The following LMBR1 variants were observed in gnomAD, a reference collection of about 807,000 sequenced individuals.
LMBR1 encodes the protein limb development membrane protein 1.
LMBR1 carries 52 observed loss-of-function variants against 73.9 expected under a neutral mutation model. The observed-to-expected ratio is 0.70, with a 90% CI of 0.56 to 0.89. LMBR1 has a LOEUF of 0.89. LMBR1 is among the 40% of genes least tolerant of loss of function. LMBR1 has a pLI of 0.00. For missense variants in LMBR1, 539 were observed against 579.8 expected (o/e 0.93, Z 0.72); for synonymous variants, 215 against 209.4 (o/e 1.03, Z -0.23).
rs112587639 is a variant in LMBR1 at position 156,685,201 on chromosome 7, A to G, written c.1388-1038T>C. Among the ~76,000 whole-genome samples, 920 of 152,358 alleles carry G rather than the reference A, an allele frequency of 6.0e-3. 20 individuals are homozygous for G. The South Asian group carries it at 0.08, about 13-fold the overall frequency. ...CATTTATTTCTCTCTGTATCATAAAACAATTATTTACATAATATACCTGAT... is the reference window on the plus strand; with the variant it reads ...CATTTATTTCTCTCTGTATCATAAAGCAATTATTTACATAATATACCTGAT... On this transcript the variant is annotated intron_variant, in intron 16 of 16. Transcript: ENST00000353442. The surrounding 1 kb of genome is among the most constrained non-coding windows in gnomAD (Gnocchi z 4.1).
Position 156,725,483 on chromosome 7 carries a change from T to G in LMBR1, c.1110A>C (p.Arg370=). 1 of 1,611,086 alleles carries G rather than the reference T, an allele frequency of 6.2e-7. No individual in the cohort carries two copies. Among genetic ancestry groups the G allele is most frequent in the Non-Finnish European group, 8.5e-7 (1 of 1,178,246 alleles). ...VSSVVGFYSL[R]FFGNFTPKKD... is the part of the protein sequence containing the mutation. ...TCTTGGGAGTAAAGTTTCCAAAAAA[T>G]CGAAGGCTATAGAAGCCGACAACAG... Residue 370 remains arginine, a synonymous_variant, in exon 14 of 17, where the codon CGA becomes CGC. Coordinates refer to ENST00000353442, the MANE Select transcript of LMBR1 (RefSeq NM_022458.4).
intron 12 of LMBR1, among the ~76,000 whole-genome samples, chr7:156,726,434 T>C (rs1045688244): frequency 1.3e-5 from 2 of 151,618 alleles, no homozygotes; most frequent in Admixed American, 6.6e-5. Context: ...ATTATCCCTA[T>C]CTCAAAAACT....
At chr7:156,702,868 T>C (rs959660153) in intron 15 of LMBR1, among the ~76,000 whole-genome samples, 2 of 152,236 alleles carry the variant, frequency 1.3e-5, no homozygotes, top group Admixed American at 6.5e-5. Context: ...AAGATGTCTT[T>C]CAGTAGGTAA....
chr7:156,765,611 T>C (rs924317878), intron 5 of LMBR1, among the ~76,000 whole-genome samples: 1 of 152,170 alleles, frequency 6.6e-6, no homozygotes, highest in African/African-American at 2.4e-5. Context: ...CCTCCCCTCC[T>C]TTTCTCTCTT....
rs534009922 is a variant in LMBR1, at chr7:156,853,758, G to A, written c.67-16873C>T. Among the ~76,000 whole-genome samples the A allele has an allele frequency of 3.3e-3, 505 of 151,820 alleles. 2 individuals are homozygous for A. The highest frequency in any genetic ancestry group is 0.011 in the African/African-American group (458 of 41,398). The stretch of plus-strand genomic sequence containing the variant: ...GCAACCTCCACTTCCTGGGTTCAAG[G>A]AATTCTCCCGCCTCAGCCTCCCAAG... On this transcript the variant is annotated intron_variant, in intron 1 of 16. Transcript: ENST00000353442.
chr7:156,725,339 A>G (rs1030368281), intron 14 of LMBR1, 96 bp downstream of exon 14: 1 of 700,926 alleles, frequency 1.4e-6, no homozygotes. Context: ...ACAAATACCT[A>G]TCACTGCAAA....
chr7:156,859,883 G>A (rs1374457977), intron 1 of LMBR1, among the ~76,000 whole-genome samples: 1 of 152,188 alleles, frequency 6.6e-6, no homozygotes, highest in Non-Finnish European at 1.5e-5. Flanking sequence ...GACATTACCT[G>A]ACTTCAGGAG....
At chr7:156,818,713 C>T (rs1231394238) in intron 4 of LMBR1, among the ~76,000 whole-genome samples, 1 of 152,128 alleles carries the variant, frequency 6.6e-6, no homozygotes, top group Non-Finnish European at 1.5e-5. Context: ...AAAGGAAAAC[C>T]CACAAAGCAG....
At chr7:156,696,439 T>C (rs527425908) in intron 15 of LMBR1, among the ~76,000 whole-genome samples, 2 of 151,916 alleles carry the variant, frequency 1.3e-5, no homozygotes, top group East Asian at 3.9e-4. Flanking sequence ...TATGCAACAG[T>C]GTATTGGTCC....
chr7:156,885,116 C>T lies in LMBR1; in HGVS notation c.66+7812G>A, dbSNP rs377128326. ...CTGTAATCCCAGCACTTTGCGAGGC[C>T]GAGGCAGGGGCGGATCACCTGAGGT... On this transcript the variant is annotated intron_variant, in intron 1 of 16. Coordinates refer to ENST00000353442, the MANE Select transcript of LMBR1 (RefSeq NM_022458.4). 3.9e-5 allele frequency among the ~76,000 whole-genome samples: 6 copies of T among 152,024 alleles called. No homozygotes were observed. The East Asian group carries it at 5.8e-4, about 15-fold the overall frequency.
Position 156,836,892 on chromosome 7 carries a change from C to T in LMBR1, c.67-7G>A, listed in dbSNP as rs1379455153. 6.5e-7 allele frequency: 1 copy of T among 1,548,570 alleles called. No individual in the cohort carries two copies. The highest frequency in any genetic ancestry group is 1.4e-5 in the African/African-American group (1 of 72,870). ...CAAAAAGAAGGAAACATATCTGAAA[C>T]AAAACGAAGTTAACAGATCATTTAC... On this transcript the variant is annotated splice_region_variant and splice_polypyrimidine_tract_variant and intron_variant, in intron 1 of 16. Transcript: ENST00000353442.
At chr7:156,841,715 T>A (rs1838730554) in intron 1 of LMBR1, among the ~76,000 whole-genome samples, 1 of 152,088 alleles carries the variant, frequency 6.6e-6, no homozygotes, top group South Asian at 2.1e-4. Flanking sequence ...CTGGTGACCT[T>A]GACAAGAGTT....
rs1456757055 is a variant in LMBR1, at chr7:156,762,183, C to T, written c.635G>A (p.Gly212Asp). Residue 212 changes from glycine to aspartate, a missense_variant, in exon 8 of 17, where the codon GGC (glycine) becomes GAC (aspartate). Physicochemically the swap from Gly to Asp is moderately conservative, Grantham distance 94. This residue lies in a region of LMBR1 where 454 missense variants were observed against 473.4 expected (regional missense o/e 0.96). Coordinates refer to ENST00000353442, the MANE Select transcript of LMBR1 (RefSeq NM_022458.4). ...CATCACTGTGAACATACGAGAAAGGCCAACTGGTGTACACACTGCAGAAAT... is the reference window on the plus strand; with the variant it reads ...CATCACTGTGAACATACGAGAAAGGTCAACTGGTGTACACACTGCAGAAAT... ...CLLLLLCTPV[G>D]LSRMFTVMGQ... 6.2e-7 allele frequency: 1 copy of T among 1,610,892 alleles called. No individual in the cohort carries two copies.
chr7:156,851,347 C>T (rs1796207781), intron 1 of LMBR1, among the ~76,000 whole-genome samples: 1 of 152,202 alleles, frequency 6.6e-6, no homozygotes, highest in Admixed American at 6.5e-5. Flanking sequence ...CTGTGTCTTT[C>T]AACTTGTGCT....
Position 156,837,544 on chromosome 7 carries a change from T to C in LMBR1, c.67-659A>G, listed in dbSNP as rs1221739568. Among the ~76,000 whole-genome samples, 6 of 152,018 alleles carry C rather than the reference T, an allele frequency of 3.9e-5. No individual in the cohort carries two copies. In the East Asian group the frequency reaches 5.8e-4, roughly 15 times the overall value. ...AAAAATAAAGTCAACTGGAAACTAC[T>C]AACACAACCAAATATTAAAACATTA... is the stretch of plus-strand genomic sequence containing the variant. On this transcript the variant is annotated intron_variant, in intron 1 of 16. Coordinates refer to ENST00000353442, the MANE Select transcript of LMBR1 (RefSeq NM_022458.4).
chr7:156,738,633 C>T (rs1375969210), intron 9 of LMBR1, among the ~76,000 whole-genome samples: 1 of 152,152 alleles, frequency 6.6e-6, no homozygotes, highest in Non-Finnish European at 1.5e-5. Flanking sequence ...CCAGCTCAGC[C>T]ACAGTACAAT....
At chr7:156,810,078 AAG>A (rs991673778) in intron 4 of LMBR1, among the ~76,000 whole-genome samples, 4 of 152,036 alleles carry the variant, frequency 2.6e-5, no homozygotes, top group Non-Finnish European at 4.4e-5. Flanking sequence ...TTAAAAAAAA[AAG>A]AGAGAGATTT....
chr7:156,775,877 C>T (rs975325407), intron 5 of LMBR1, among the ~76,000 whole-genome samples: 1 of 151,682 alleles, frequency 6.6e-6, no homozygotes, highest in Non-Finnish European at 1.5e-5. Flanking sequence ...GTTAAGAGCC[C>T]CAATGCCAGA....
chr7:156,783,735 T>G (rs1463554110), intron 5 of LMBR1, among the ~76,000 whole-genome samples: 1 of 152,202 alleles, frequency 6.6e-6, no homozygotes, highest in Non-Finnish European at 1.5e-5. Flanking sequence ...GCTATGCAGT[T>G]TCATTAGGAC....
Sources: allele counts gnomAD v4.1 joint callset (sites outside exome capture counted in the v4.1 genomes callset), GRCh38; gene constraint gnomAD v4.1.1; regional missense constraint gnomAD v4.1.1; non-coding constraint Gnocchi (gnomAD v3.1); transcripts MANE v1.5; gene names NCBI Gene and HGNC (gene_info 2026-07-23, HGNC 2026-07-21).